The following DUS4L variants were observed in gnomAD, a reference collection of about 807,000 sequenced individuals.
DUS4L encodes the protein dihydrouridine synthase 4 like.
A neutral mutation model predicts 33.8 loss-of-function variants in DUS4L; 31 were observed. That is an observed-to-expected ratio of 0.92 (90% CI 0.69 to 1.24). The LOEUF (loss-of-function observed/expected upper bound fraction) is 1.24, where lower values mean the gene tolerates loss of function less well. DUS4L is among the 50% of genes most tolerant of loss of function. The probability of loss-of-function intolerance (pLI) is 0.00; values close to 1 mark genes in which losing one functional copy is unlikely to be tolerated. For synonymous variants in DUS4L, 103 were observed against 120.3 expected, an observed-to-expected ratio of 0.86 and a Z score of 0.94; for missense variants, 368 against 388.6, an observed-to-expected ratio of 0.95 and a Z score of 0.45.
Position 107,564,129 on chromosome 7 carries a change from GGGCC to G in DUS4L, c.-187_-184del. The G allele has an allele frequency of 5.4e-6, 5 of 933,706 alleles. No individual in the cohort carries two copies. The highest frequency in any genetic ancestry group is 8.0e-6 in the Non-Finnish European group (5 of 625,778). The allele number at this position is 933,706 out of a possible 1,614,324, so 57.8% of individuals were successfully genotyped here. A position where few individuals can be genotyped will look rare whatever the true frequency, so the allele number is the denominator to read the frequency against. On this transcript the variant is annotated 5_prime_UTR_variant, in exon 1 of 8. Coordinates refer to ENST00000265720, the MANE Select transcript of DUS4L (RefSeq NM_181581.3). ...GCGCACCGAGGGAGCCAAGGCCGTC[GGGCC>G]GGCGCTTTCAGCTGTCTCTCGCAGC...
chr7:107,576,908 A>C, intron 7 of DUS4L: 1 of 299,064 alleles, frequency 3.3e-6, no homozygotes, highest in Non-Finnish European at 6.1e-6. Flanking sequence ...GAGAATGATA[A>C]GAGCTAAAGG....
chr7:107,564,021 A>G lies in DUS4L; in HGVS notation c.-299A>G, dbSNP rs1301092872. The G allele has an allele frequency of 6.5e-7, 1 of 1,536,898 alleles. No individual in the cohort carries two copies. The highest frequency in any genetic ancestry group is 8.8e-7 in the Non-Finnish European group (1 of 1,141,910). On this transcript the variant is annotated 5_prime_UTR_variant, in exon 1 of 8. Coordinates refer to ENST00000265720, the MANE Select transcript of DUS4L (RefSeq NM_181581.3). ...AGGCCCACCTGGCGAACTGACTCTCAGCCCGCGCCTGGGCTAAGCCTGGCT... is the reference window on the plus strand; with the variant it reads ...AGGCCCACCTGGCGAACTGACTCTCGGCCCGCGCCTGGGCTAAGCCTGGCT...
At chr7:107,564,245 G>A (rs1804324875) in intron 1 of DUS4L, 36 bp downstream of exon 1, 2 of 572,822 alleles carry the variant, frequency 3.5e-6, no homozygotes, top group Admixed American at 3.0e-5. Flanking sequence ...GCTTATCTGT[G>A]AAGCAAGTAT....
At position 107,576,368 on chromosome 7, in the gene DUS4L, T is replaced by G; in HGVS notation, c.482T>G (p.Ile161Ser). 1 of 1,604,278 alleles carries G rather than the reference T, an allele frequency of 6.2e-7. No homozygotes were observed. The highest frequency in any genetic ancestry group is 1.1e-5 in the South Asian group (1 of 88,336). Reference protein sequence around the residue: ...PGFSVSIKIRIHDDLKRTVDL... With the variant: ...PGFSVSIKIRSHDDLKRTVDL... The stretch of plus-strand genomic sequence containing the variant: ...TAAATGTAATTTTGAAATTGTAGGA[T>G]CCATGATGACCTTAAAAGAACTGTA... The change falls in exon 7 of 8, where the codon ATC (isoleucine) becomes AGC (serine). Residue 161 changes from isoleucine (I) to serine (S), a missense_variant and splice_region_variant. Coordinates refer to ENST00000265720, the MANE Select transcript of DUS4L (RefSeq NM_181581.3).
In DUS4L at chr7:107,576,439, G is replaced by T; in HGVS notation, c.553G>T (p.Val185Phe). ...AGCAACAGGAGTTTCATGGATTACA[G>T]TCCATGGAAGAACTGCTGAAGAAAG... The part of the protein sequence containing the change: ...AEATGVSWIT[V>F]HGRTAEERHQ... Residue 185 changes from valine to phenylalanine, a missense_variant, in exon 7 of 8, where the codon GTC becomes TTC. Physicochemically the swap from Val to Phe is conservative, Grantham distance 50 (BLOSUM62 -1). Coordinates refer to ENST00000265720, the MANE Select transcript of DUS4L (RefSeq NM_181581.3). 1 of 1,612,922 alleles carries T rather than the reference G, an allele frequency of 6.2e-7. No homozygotes were observed. The highest frequency in any genetic ancestry group is 2.2e-5 in the East Asian group (1 of 44,844).
At position 107,577,316 on chromosome 7, in the gene DUS4L, T is replaced by A. The variant is rs1805841344; in HGVS notation, c.710T>A (p.Val237Glu). 1 of 1,614,062 alleles carries A rather than the reference T, an allele frequency of 6.2e-7. No homozygotes were observed. Among genetic ancestry groups the A allele is most frequent in the Non-Finnish European group, 8.5e-7 (1 of 1,179,962 alleles). The change falls in exon 8 of 8, where the codon GTG (valine) becomes GAG (glutamate). Residue 237 changes from valine to glutamate, a missense_variant. Coordinates refer to ENST00000265720, the MANE Select transcript of DUS4L (RefSeq NM_181581.3). ...NVWRITGTDG[V>E]MVARGLLANP... ...TATGGTGTGCTTTAATTTGTAGGTG[T>A]GATGGTTGCAAGAGGACTCTTAGCA...
chr7:107,564,683 T>A lies in DUS4L; in HGVS notation c.-22+7T>A, dbSNP rs1224444214. On this transcript the variant is annotated splice_region_variant and intron_variant, in intron 2 of 7. Transcript: ENST00000265720. ...GACGCTGTAAGAGCATCAGGTTGGT[T>A]CCCATTGTATCTTCTTTACTAATAC... The A allele has an allele frequency of 1.3e-5, 2 of 152,242 alleles. No individual in the cohort carries two copies. Among genetic ancestry groups the A allele is most frequent in the African/African-American group, 4.8e-5 (2 of 41,460 alleles). The allele number at this position is 152,242 out of a possible 1,614,324, so 9.4% of individuals were successfully genotyped here.
At chr7:107,576,634 G>A in intron 7 of DUS4L, 42 bp downstream of exon 7, 1 of 1,492,146 alleles carries the variant, frequency 6.7e-7, no homozygotes, top group African/African-American at 1.4e-5. Context: ...GGGGGGGGAA[G>A]AAATGAGAGT....
chr7:107,566,901 T>C (rs999916874), intron 2 of DUS4L, 149 bp from the exon 3 acceptor site: 4 of 529,726 alleles, frequency 7.6e-6, no homozygotes, highest in Middle Eastern at 5.0e-4. Flanking sequence ...AGTATCATAT[T>C]GGATACTGTG....
intron 5 of DUS4L, 145 bp from the exon 6 acceptor site, chr7:107,575,042 GA>G (rs1409038471): frequency 1.1e-5 from 11 of 1,039,108 alleles, no homozygotes; most frequent in Non-Finnish European, 1.4e-5. Flanking sequence ...GATCCACTTA[GA>G]AATGTTGAAT....
At chr7:107,571,984 G>A (rs571142876) in intron 4 of DUS4L, among the ~76,000 whole-genome samples, 44 of 149,372 alleles carry the variant, frequency 2.9e-4, no homozygotes, top group Middle Eastern at 7.0e-3. Flanking sequence ...TTTATGTTTC[G>A]TCATTCAGCT....
intron 5 of DUS4L, among the ~76,000 whole-genome samples, chr7:107,574,441 C>T (rs754355145): frequency 3.3e-5 from 5 of 149,818 alleles, no homozygotes; most frequent in African/African-American, 7.4e-5. Context: ...CAGGTTCAAG[C>T]GATTCTCCTG....
chr7:107,566,627 A>G (rs1804731069), intron 2 of DUS4L, among the ~76,000 whole-genome samples: 1 of 152,232 alleles, frequency 6.6e-6, no homozygotes, highest in African/African-American at 2.4e-5. Flanking sequence ...GAGTTGCTCT[A>G]TTAATGCCAT....
At chr7:107,572,492 C>A (rs1805336466) in intron 4 of DUS4L, among the ~76,000 whole-genome samples, 1 of 152,066 alleles carries the variant, frequency 6.6e-6, no homozygotes, top group African/African-American at 2.4e-5. Flanking sequence ...TAACACTGAC[C>A]CAAGGATACG....
At chr7:107,576,327 G>C in intron 6 of DUS4L, 39 bp from the exon 7 acceptor site, 12 of 1,565,044 alleles carry the variant, frequency 7.7e-6, no homozygotes, top group Non-Finnish European at 9.6e-6. Context: ...ATTAAGATTT[G>C]TGTGCTGTGA....
At position 107,575,306 on chromosome 7, in the gene DUS4L, ATAAGG is replaced by A; in HGVS notation, c.479_479+4del. On this transcript the variant is annotated splice_donor_variant and coding_sequence_variant, in exon 6 of 8. Coordinates refer to ENST00000265720, the MANE Select transcript of DUS4L (RefSeq NM_181581.3). LOFTEE classifies it high-confidence loss of function. ...CCCTGGATTTTCAGTTTCTATTAAA[ATAAGG>A]TAAAGACAATATTTCAATCTATTGA... The A allele has an allele frequency of 6.2e-7, 1 of 1,610,198 alleles. No homozygotes were observed. Among genetic ancestry groups the A allele is most frequent in the Non-Finnish European group, 8.5e-7 (1 of 1,178,798 alleles).
intron 2 of DUS4L, among the ~76,000 whole-genome samples, chr7:107,566,304 G>T (rs1804687511): frequency 6.6e-6 from 1 of 151,982 alleles, no homozygotes. Flanking sequence ...ATACATACCT[G>T]TTTCTAAGTT....
chr7:107,563,971 G>A lies in DUS4L; in HGVS notation c.-349G>A, dbSNP rs1031265657. 46 of 1,558,064 alleles carry A rather than the reference G, an allele frequency of 3.0e-5. No individual in the cohort carries two copies. The highest frequency in any genetic ancestry group is 3.7e-5 in the Non-Finnish European group (42 of 1,145,150). On this transcript the variant is annotated 5_prime_UTR_variant, in exon 1 of 8. Transcript: ENST00000265720. Reference sequence around the variant, plus strand: ...GGTGGTGACGCAGAATCCCGGCGCCGCCCGCCCACCCAGCCCATGGCTCCA... The same window carrying A: ...GGTGGTGACGCAGAATCCCGGCGCCACCCGCCCACCCAGCCCATGGCTCCA...
At chr7:107,568,095 A>G (rs1452910285) in intron 3 of DUS4L, among the ~76,000 whole-genome samples, 1 of 152,202 alleles carries the variant, frequency 6.6e-6, no homozygotes, top group East Asian at 1.9e-4. Context: ...GCTACTGCAA[A>G]TAATACTGTC....
Sources: allele counts gnomAD v4.1 joint callset (sites outside exome capture counted in the v4.1 genomes callset), GRCh38; gene constraint gnomAD v4.1.1; transcripts MANE v1.5; gene names NCBI Gene and HGNC (gene_info 2026-07-23, HGNC 2026-07-21).